Variants in LZTS1 observed in about 807,000 individuals in gnomAD.
The protein encoded by LZTS1 is leucine zipper tumor suppressor 1.
Under a neutral mutation model 45.8 loss-of-function variants are expected in LZTS1, and 31 were observed. The ratio of observed to expected loss-of-function variants is 0.68; its 90% confidence interval spans 0.51 to 0.91. The LOEUF (loss-of-function observed/expected upper bound fraction) is 0.91. Among genes scored for constraint, LZTS1 ranks in the 40% least tolerant of loss-of-function variants. The pLI, the probability that LZTS1 is intolerant of heterozygous loss-of-function variation, is 0.00. For synonymous variants in LZTS1, 359 were observed against 357.3 expected (o/e 1.00, Z -0.05); for missense variants, 821 against 788.9 (o/e 1.04, Z -0.49).
At chr8:20,282,633 C>G (rs11997874) in intron 1 of LZTS1, among the ~76,000 whole-genome samples, 41,584 of 152,096 alleles carry the variant, frequency 0.27, 6,162 homozygotes, top group Admixed American at 0.32. Flanking sequence ...CTAGGTAATT[C>G]TCTGTTGTAA....
intron 1 of LZTS1, among the ~76,000 whole-genome samples, chr8:20,275,339 T>A (rs1377647063): frequency 6.8e-5 from 7 of 103,040 alleles, no homozygotes; most frequent in African/African-American, 2.4e-4. Context: ...GAGGCAGAGG[T>A]TGCAGTAAGC....
intron 1 of LZTS1, among the ~76,000 whole-genome samples, chr8:20,278,485 C>T (rs141226298): frequency 6.6e-6 from 1 of 152,310 alleles, no homozygotes; most frequent in East Asian, 1.9e-4. Context: ...AAACCGTACA[C>T]TTGACTCTCT....
intron 1 of LZTS1, among the ~76,000 whole-genome samples, chr8:20,267,263 C>T (rs1034671258): frequency 7.8e-4 from 118 of 152,050 alleles, no homozygotes; most frequent in Non-Finnish European, 7.9e-4. Flanking sequence ...TCTTTGTCCC[C>T]AGGGTGCTGA....
chr8:20,293,385 A>G (rs113158684), intron 1 of LZTS1, among the ~76,000 whole-genome samples: 1 of 152,018 alleles, frequency 6.6e-6, no homozygotes, highest in African/African-American at 2.4e-5. Context: ...CTTCCCTATC[A>G]TGGCCACCCC....
At position 20,253,308 on chromosome 8, in the gene LZTS1, C is replaced by G. The variant is rs371282620; in HGVS notation, c.623G>C (p.Gly208Ala). Residue 208 changes from glycine to alanine, a missense_variant, in exon 3 of 4, where the codon GGC becomes GCC. Gly to Ala is a moderately conservative substitution (Grantham distance 60). Transcript: ENST00000381569. ...GCCCTGGGTGATGTTGTGGGCGGAG[C>G]CCCCAAAACGGCTTGTGGGTCCCAC... ...TPVGPTSRFG[G>A]SAHNITQGIV... 5.0e-6 allele frequency: 8 copies of G among 1,613,880 alleles called. 1 individual carries two copies. The highest frequency in any genetic ancestry group is 3.3e-5 in the Admixed American group (2 of 60,016).
chr8:20,259,211 G>C lies in LZTS1; in HGVS notation c.-134-3896C>G, dbSNP rs561008614. Among the ~76,000 whole-genome samples the C allele has an allele frequency of 2.2e-4, 34 of 152,218 alleles. No homozygotes were observed. In the South Asian group the frequency reaches 6.6e-3, roughly 30 times the overall value. ...GTTTGATTTGAAAATCAATCTCTCT[G>C]AGGTTTCTTCATTTACAAACTGAAA... On this transcript the variant is annotated intron_variant, in intron 1 of 3. Transcript: ENST00000381569.
At chr8:20,272,578 T>G (rs1322441551) in intron 1 of LZTS1, among the ~76,000 whole-genome samples, 9 of 152,192 alleles carry the variant, frequency 5.9e-5, no homozygotes, top group African/African-American at 2.2e-4. Context: ...GTTGCATTTC[T>G]CAAATCTTAT....
intron 1 of LZTS1, among the ~76,000 whole-genome samples, chr8:20,270,232 C>T (rs934328873): frequency 2.0e-4 from 30 of 152,374 alleles, no homozygotes; most frequent in Admixed American, 2.0e-3. Flanking sequence ...GGAAGCCTGA[C>T]CCCCCAGCTC....
rs185312922 is a variant in LZTS1, at chr8:20,303,781, T to C, written c.-176A>G. The C allele has an allele frequency of 5.9e-3, 5,840 of 983,492 alleles. 275 individuals are homozygous for C. The African/African-American group carries it at 0.095, about 16-fold the overall frequency. 60.9% of individuals were successfully genotyped at this position (983,492 alleles called of 1,614,324 possible). ...GGGCGCACTTGAGACTTTTTTTTTT[T>C]CCCAGTGTTTCCCGGTGTGTTCCCG... On this transcript the variant is annotated 5_prime_UTR_variant, in exon 1 of 4. Transcript: ENST00000381569.
chr8:20,252,417 G>A (rs1400237088), intron 3 of LZTS1, among the ~76,000 whole-genome samples: 3 of 152,158 alleles, frequency 2.0e-5, no homozygotes, highest in Admixed American at 6.5e-5. Flanking sequence ...CCCTGGCCCC[G>A]CCTGAACTCA....
At chr8:20,287,035 C>T (rs1167441799) in intron 1 of LZTS1, among the ~76,000 whole-genome samples, 1 of 140,446 alleles carries the variant, frequency 7.1e-6, no homozygotes, top group Non-Finnish European at 1.5e-5. Flanking sequence ...TCTAGTTGTT[C>T]ACCTATGGTT....
chr8:20,282,127 AC>A, intron 1 of LZTS1, among the ~76,000 whole-genome samples: 1 of 152,240 alleles, frequency 6.6e-6, no homozygotes, highest in South Asian at 2.1e-4. Context: ...TCTAGTCACC[AC>A]GAGGGTCCAC....
chr8:20,298,774 G>C (rs1801019775), intron 1 of LZTS1, among the ~76,000 whole-genome samples: 2 of 151,938 alleles, frequency 1.3e-5, no homozygotes, highest in Non-Finnish European at 2.9e-5. Context: ...TGAGGAGAGA[G>C]GACTGGGGAT....
At chr8:20,268,944 C>T (rs527850377) in intron 1 of LZTS1, among the ~76,000 whole-genome samples, 3 of 152,182 alleles carry the variant, frequency 2.0e-5, no homozygotes, top group Admixed American at 1.3e-4. Context: ...GCCACTCTGC[C>T]GGGCGGGCTT....
chr8:20,302,981 C>T (rs1685043426), intron 1 of LZTS1, among the ~76,000 whole-genome samples: 1 of 152,090 alleles, frequency 6.6e-6, no homozygotes, highest in Non-Finnish European at 1.5e-5. Flanking sequence ...TCTGAAGCCC[C>T]TCCAGCCAGA....
intron 1 of LZTS1, among the ~76,000 whole-genome samples, chr8:20,270,675 G>C (rs1800453947): frequency 6.6e-6 from 1 of 152,132 alleles, no homozygotes; most frequent in South Asian, 2.1e-4. Context: ...GTGGGCAGGT[G>C]TGGGACAGGA....
chr8:20,293,512 T>C (rs1192772894), intron 1 of LZTS1, among the ~76,000 whole-genome samples: 2 of 152,190 alleles, frequency 1.3e-5, no homozygotes, highest in South Asian at 2.1e-4. Context: ...TCTGGATGTT[T>C]TGTCTCACCC....
intron 1 of LZTS1, among the ~76,000 whole-genome samples, chr8:20,264,733 C>T (rs532941871): frequency 1.3e-5 from 2 of 152,326 alleles, no homozygotes; most frequent in African/African-American, 2.4e-5. Flanking sequence ...CTCGGCCGTC[C>T]TCTGCCCCAA....
Position 20,253,016 on chromosome 8 carries a change from C to T in LZTS1, c.915G>A (p.Glu305=), listed in dbSNP as rs1466185780. The change falls in exon 3 of 4, where the codon GAG becomes GAA. Residue 305 remains glutamate (E), a synonymous_variant. Coordinates refer to ENST00000381569, the MANE Select transcript of LZTS1 (RefSeq NM_021020.5). ...CGCCTTTGGGCTCCGGGCCCTCCAG[C>T]TCGTCCCTGCAGCGCCGCGGCCGCT... ...YEERPRRCRD[E]LEGPEPKGGN... is the part of the protein sequence containing the mutation. 1 of 1,596,358 alleles carries T rather than the reference C, an allele frequency of 6.3e-7. No homozygotes were observed. Among genetic ancestry groups the T allele is most frequent in the Non-Finnish European group, 8.5e-7 (1 of 1,172,824 alleles).
Sources: allele counts gnomAD v4.1 joint callset (sites outside exome capture counted in the v4.1 genomes callset), GRCh38; gene constraint gnomAD v4.1.1; transcripts MANE v1.5; gene names NCBI Gene and HGNC (gene_info 2026-07-23, HGNC 2026-07-21).